KLHL20: variants seen among roughly 807,000 people sequenced by gnomAD.
The protein encoded by KLHL20 is kelch like family member 20.
Under a neutral mutation model 69.5 loss-of-function variants are expected in KLHL20, and 29 were observed. The ratio of observed to expected loss-of-function variants is 0.42; its 90% CI spans 0.31 to 0.57. KLHL20 has a LOEUF of 0.57. Among genes scored for constraint, KLHL20 ranks in the 20% least tolerant of loss-of-function variants. The pLI, the probability that KLHL20 is intolerant of heterozygous loss-of-function variation, is 0.18. For synonymous variants in KLHL20, 253 were observed against 265.2 expected (o/e 0.95, Z 0.45); for missense variants, 419 against 776.0 (o/e 0.54, Z 5.47).
At chr1:173,741,517 CAG>C (rs1672807709) in intron 3 of KLHL20, among the ~76,000 whole-genome samples, 1 of 152,084 alleles carries the variant, frequency 6.6e-6, no homozygotes, top group Admixed American at 6.5e-5. Flanking sequence ...CCAGAAAAGA[CAG>C]AAGATAAAAT....
intron 3 of KLHL20, among the ~76,000 whole-genome samples, chr1:173,735,332 G>C (rs966250767): frequency 6.6e-6 from 1 of 152,032 alleles, no homozygotes; most frequent in African/African-American, 2.4e-5. Flanking sequence ...CTTAGTCCCA[G>C]CTACTTAGGA....
chr1:173,733,553 A>G lies in KLHL20; in HGVS notation c.24-160A>G, dbSNP rs891242111. On this transcript the variant is annotated intron_variant, in intron 2 of 11. Coordinates refer to ENST00000209884, the MANE Select transcript of KLHL20 (RefSeq NM_014458.4). Reference sequence around the variant, plus strand: ...ACTTGAGCCCAAGAGTTTGAGACCAATCTGGGCAACACAGTGAGACATCAT... The same window carrying G: ...ACTTGAGCCCAAGAGTTTGAGACCAGTCTGGGCAACACAGTGAGACATCAT... Among the ~76,000 whole-genome samples the G allele has an allele frequency of 2.0e-5, 3 of 152,100 alleles. No homozygotes were observed. In the East Asian group the frequency reaches 5.8e-4, roughly 29 times the overall value.
At chr1:173,774,796 G>A (rs992640948) in intron 9 of KLHL20, among the ~76,000 whole-genome samples, 6 of 151,946 alleles carry the variant, frequency 3.9e-5, no homozygotes, top group Non-Finnish European at 7.4e-5. Context: ...CTACAAATTC[G>A]TTTATTTGGG....
At chr1:173,754,645 A>G (rs969149745) in intron 5 of KLHL20, among the ~76,000 whole-genome samples, 1 of 152,004 alleles carries the variant, frequency 6.6e-6, no homozygotes, top group South Asian at 2.1e-4. Flanking sequence ...TATTTGCAGT[A>G]GCAAAAAGGA....
intron 2 of KLHL20, among the ~76,000 whole-genome samples, chr1:173,724,172 ATTTTTTTTTT>A (rs375714592): frequency 7.5e-6 from 1 of 134,218 alleles, no homozygotes; most frequent in African/African-American, 2.7e-5. Context: ...TGTTTTGGGG[ATTTTTTTTTT>A]TTTTTTTAGA....
At chr1:173,765,899 A>T (rs1647672188) in intron 7 of KLHL20, among the ~76,000 whole-genome samples, 2 of 152,176 alleles carry the variant, frequency 1.3e-5, no homozygotes, top group Admixed American at 1.3e-4. Flanking sequence ...ACAAGAATTC[A>T]GGTGGAACTC....
At chr1:173,759,789 A>G (rs1291464701) in intron 7 of KLHL20, among the ~76,000 whole-genome samples, 1 of 152,078 alleles carries the variant, frequency 6.6e-6, no homozygotes, top group Non-Finnish European at 1.5e-5. Flanking sequence ...CAGAAAACCA[A>G]CCCTGGTAAC....
intron 8 of KLHL20, among the ~76,000 whole-genome samples, chr1:173,769,472 AAAGT>A (rs1647944896): frequency 6.6e-6 from 1 of 152,098 alleles, no homozygotes. Context: ...AGCCAAGACA[AAAGT>A]AAGGCAGTGA....
Position 173,757,116 on chromosome 1 carries a change from G to A in KLHL20, c.1108G>A (p.Val370Ile). 1 of 1,613,480 alleles carries A rather than the reference G, an allele frequency of 6.2e-7. No individual in the cohort carries two copies. Among genetic ancestry groups the A allele is most frequent in the Non-Finnish European group, 8.5e-7 (1 of 1,179,626 alleles). Residue 370 changes from valine (V) to isoleucine (I), a missense_variant, in exon 7 of 12, where the codon GTA (valine) becomes ATA (isoleucine). Physicochemically the swap from Val to Ile is conservative, Grantham distance 29 (BLOSUM62 3). Around this residue, in one of 6 missense-constraint regions of KLHL20, gnomAD observed 32 missense variants for 98.9 expected, o/e 0.32. Coordinates refer to ENST00000209884, the MANE Select transcript of KLHL20 (RefSeq NM_014458.4). The part of the protein sequence containing the change: ...VSVLDDLLYA[V>I]GGHDGSSYLN... ...TGTTCTTGATGATCTGTTATATGCA[G>A]TAGGAGGCCATGATGGATCCTCTTA...
chr1:173,740,605 G>A (rs1672762095), intron 3 of KLHL20, among the ~76,000 whole-genome samples: 1 of 152,060 alleles, frequency 6.6e-6, no homozygotes, highest in Non-Finnish European at 1.5e-5. Flanking sequence ...ATTATTGTCA[G>A]TTTAAAGAAT....
rs1440671017 is a variant in KLHL20 at position 173,766,092 on chromosome 1, T to C, written c.1152-54T>C. ...TCCATGGATTTAGAATATGTAAACA[T>C]AGCCAAGCTTCCTTTGTGTAATACA... is the stretch of plus-strand genomic sequence containing the variant. On this transcript the variant is annotated intron_variant, in intron 7 of 11. Transcript: ENST00000209884. 1.6e-5 allele frequency: 22 copies of C among 1,410,054 alleles called. No individual in the cohort carries two copies. The Admixed American group carries it at 5.5e-4, about 35-fold the overall frequency. The allele number at this position is 1,410,054 out of a possible 1,614,324, so 87.3% of individuals were successfully genotyped here.
intron 8 of KLHL20, among the ~76,000 whole-genome samples, chr1:173,771,357 T>C (rs1648078136): frequency 6.6e-6 from 1 of 152,082 alleles, no homozygotes; most frequent in African/African-American, 2.4e-5. Context: ...TGAGCTATGA[T>C]CATACCACTG....
chr1:173,749,313 G>T (rs903944718), intron 3 of KLHL20, among the ~76,000 whole-genome samples: 2 of 152,076 alleles, frequency 1.3e-5, no homozygotes, highest in Non-Finnish European at 2.9e-5. Flanking sequence ...TTAGTCATTC[G>T]TGTTTGTTTT....
At position 173,780,733 on chromosome 1, in the gene KLHL20, T is replaced by C. The variant is rs147772695; in HGVS notation, c.1639-1391T>C. ...TGGAAGCTACGGTGAACTGTTTTTT[T>C]GTTTTATTTTGTTTTGAGATGGAGT... On this transcript the variant is annotated intron_variant, in intron 10 of 11. Transcript: ENST00000209884. Among the ~76,000 whole-genome samples the C allele has an allele frequency of 7.9e-5, 12 of 152,090 alleles. 1 individual carries two copies. In the East Asian group the frequency reaches 1.9e-3, roughly 25 times the overall value.
chr1:173,773,992 C>T (rs1038309130), intron 8 of KLHL20, among the ~76,000 whole-genome samples: 7 of 127,700 alleles, frequency 5.5e-5, no homozygotes, highest in Admixed American at 1.8e-4. Flanking sequence ...CCAGCCTGGG[C>T]GACAGACCAA....
At chr1:173,735,601 A>C (rs1278802002) in intron 3 of KLHL20, among the ~76,000 whole-genome samples, 1 of 152,218 alleles carries the variant, frequency 6.6e-6, no homozygotes, top group Non-Finnish European at 1.5e-5. Context: ...GCTCAGGACC[A>C]TAGTTTTTTT....
intron 7 of KLHL20, among the ~76,000 whole-genome samples, chr1:173,757,400 T>C (rs985019260): frequency 2.0e-5 from 3 of 152,166 alleles, no homozygotes; most frequent in Non-Finnish European, 4.4e-5. Context: ...TCAAATTGCC[T>C]GCAGTTCCTT....
intron 8 of KLHL20, 38 bp from the exon 9 acceptor site, chr1:173,774,267 A>G: frequency 6.2e-7 from 1 of 1,613,154 alleles, no homozygotes; most frequent in African/African-American, 1.3e-5. Flanking sequence ...GCTTCACTTA[A>G]TAAGAACAAG....
intron 5 of KLHL20, among the ~76,000 whole-genome samples, chr1:173,754,732 T>C (rs956460007): frequency 4.6e-5 from 7 of 152,212 alleles, no homozygotes; most frequent in Admixed American, 1.3e-4. Flanking sequence ...GTAAATCAGA[T>C]TGTATTGTAC....
Sources: gnomAD v4.1 joint callset for allele counts (sites outside exome capture counted in the v4.1 genomes callset) on GRCh38, gnomAD v4.1.1 for gene constraint, gnomAD v4.1.1 regional missense constraint, MANE v1.5 for transcripts, NCBI Gene and HGNC (gene_info 2026-07-23, HGNC 2026-07-21) for gene names.